Variants in SGK3 observed in about 807,000 individuals in gnomAD.
SGK3 encodes serum/glucocorticoid regulated kinase family member 3.
In SGK3, 47 loss-of-function variants were observed where a neutral mutation model predicts 68.5. The ratio of observed to expected loss-of-function variants is 0.69; its 90% CI spans 0.54 to 0.87. SGK3 has a LOEUF of 0.87. SGK3 is among the 40% of genes least tolerant of loss of function. The pLI, the probability that SGK3 is intolerant of heterozygous loss-of-function variation, is 0.00. For missense variants in SGK3, 479 were observed against 575.5 expected, an observed-to-expected ratio of 0.83 and a Z score of 1.72; for synonymous variants, 181 against 189.1, an observed-to-expected ratio of 0.96 and a Z score of 0.35.
At position 66,847,179 on chromosome 8, in the gene SGK3, T is replaced by C. The variant is rs771752886; in HGVS notation, c.1075-14T>C. ...GTTTACCACTAAGTTTATTTTGCTT[T>C]TTTTTTTTTCCAGCCTCCTTTTTAT... On this transcript the variant is annotated splice_polypyrimidine_tract_variant and intron_variant, in intron 14 of 16. Coordinates refer to ENST00000521198, the MANE Select transcript of SGK3 (RefSeq NM_001033578.3). 7.0e-6 allele frequency: 11 copies of C among 1,570,788 alleles called. No homozygotes were observed.
At chr8:66,847,025 G>A (rs920239355) in intron 14 of SGK3, among the ~76,000 whole-genome samples, 168 bp from the exon 15 acceptor site, 60 of 152,094 alleles carry the variant, frequency 3.9e-4, no homozygotes, top group South Asian at 4.1e-4. Context: ...TGATGTGTTC[G>A]GTTTTAGAAT....
chr8:66,749,963 G>GTT (rs771335108), intron 1 of SGK3, among the ~76,000 whole-genome samples: 1 of 149,498 alleles, frequency 6.7e-6, no homozygotes, highest in Non-Finnish European at 1.5e-5. Flanking sequence ...GTGTGTGTGT[G>GTT]TGTATGTGTG....
chr8:66,780,739 C>G (rs1479297900), intron 1 of SGK3, among the ~76,000 whole-genome samples: 8 of 152,124 alleles, frequency 5.3e-5, no homozygotes, highest in Non-Finnish European at 5.9e-5. Flanking sequence ...GGACTGTAGA[C>G]TGTCAGCAAT....
At chr8:66,822,259 C>G in intron 5 of SGK3, 113 bp from the exon 6 acceptor site, 1 of 905,386 alleles carries the variant, frequency 1.1e-6, no homozygotes, top group African/African-American at 1.7e-5. Context: ...TTCTGTTTTA[C>G]TTTCTTACTG....
chr8:66,725,700 C>T (rs1804967206), intron 1 of SGK3, among the ~76,000 whole-genome samples: 1 of 151,804 alleles, frequency 6.6e-6, no homozygotes, highest in South Asian at 2.1e-4. Context: ...TTGCAGGTGC[C>T]TTGCCATGGC....
At chr8:66,793,931 C>T in intron 2 of SGK3, 99 bp downstream of exon 2, 2 of 1,192,632 alleles carry the variant, frequency 1.7e-6, no homozygotes, top group East Asian at 5.3e-5. Flanking sequence ...CCTTCCCCAT[C>T]TCCACATACC....
At chr8:66,747,789 G>A (rs938017245) in intron 1 of SGK3, among the ~76,000 whole-genome samples, 2 of 152,236 alleles carry the variant, frequency 1.3e-5, no homozygotes, top group African/African-American at 4.8e-5. Flanking sequence ...TTAATATAAA[G>A]CTAAAAATCT....
At chr8:66,821,992 T>TC (rs1361149148) in intron 5 of SGK3, among the ~76,000 whole-genome samples, 1 of 151,382 alleles carries the variant, frequency 6.6e-6, no homozygotes. Flanking sequence ...CCTATTTTTT[T>TC]TTTTTTTACC....
intron 1 of SGK3, among the ~76,000 whole-genome samples, chr8:66,780,285 C>T (rs1472977226): frequency 6.6e-6 from 1 of 152,166 alleles, no homozygotes; most frequent in African/African-American, 2.4e-5. Context: ...AATTTCTAAA[C>T]GTCTCTCTCC....
At position 66,756,428 on chromosome 8, in the gene SGK3, C is replaced by T. The variant is rs543575013; in HGVS notation, c.-121-37188C>T. Among the ~76,000 whole-genome samples the T allele has an allele frequency of 3.9e-5, 6 of 152,138 alleles. No individual in the cohort carries two copies. In the East Asian group the frequency reaches 7.7e-4, roughly 20 times the overall value. On this transcript the variant is annotated intron_variant, in intron 1 of 16. Transcript: ENST00000521198. ...GTTATGTGGGCTGGTTTAGTACTTA[C>T]AAGGACTCACTCCATCTATGAGGAG...
At chr8:66,726,801 T>TAAAAAAAAAAAAAAAAAAAAAAAA (rs560794837) in intron 1 of SGK3, among the ~76,000 whole-genome samples, 14 of 80,970 alleles carry the variant, frequency 1.7e-4, no homozygotes, top group South Asian at 7.5e-4. Flanking sequence ...ACCCTGTCTG[T>TAAAAAAAAAAAAAAAAAAAAAAAA]AAAAAAAAAA....
rs1310994284 is a variant in SGK3, at chr8:66,861,092, T to C, written c.*1511T>C. 6.6e-6 allele frequency: 1 copy of C among 152,178 alleles called. No homozygotes were observed. Among genetic ancestry groups the C allele is most frequent in the African/African-American group, 2.4e-5 (1 of 41,438 alleles). The allele number at this position is 152,178 out of a possible 1,614,324, so 9.4% of individuals were successfully genotyped here. The stretch of plus-strand genomic sequence containing the variant: ...GAACTGAAATTGTGCCACTGCACTT[T>C]TCAGCCTGGGTGCCACAGCGAGACC... On this transcript the variant is annotated 3_prime_UTR_variant, in exon 17 of 17. Transcript: ENST00000521198.
intron 1 of SGK3, among the ~76,000 whole-genome samples, chr8:66,747,989 T>G (rs1195466747): frequency 6.6e-6 from 1 of 152,160 alleles, no homozygotes; most frequent in Non-Finnish European, 1.5e-5. Context: ...TGAATCTCAG[T>G]GAGTTACTTA....
At chr8:66,769,111 A>G (rs1269877022) in intron 1 of SGK3, among the ~76,000 whole-genome samples, 1 of 152,162 alleles carries the variant, frequency 6.6e-6, no homozygotes, top group Non-Finnish European at 1.5e-5. Context: ...GATTTCTACA[A>G]ATGTATTTTC....
At chr8:66,787,282 C>T (rs1361062595) in intron 1 of SGK3, among the ~76,000 whole-genome samples, 1 of 151,812 alleles carries the variant, frequency 6.6e-6, no homozygotes. Flanking sequence ...GATGAGCACT[C>T]AATAAGTGTT....
chr8:66,786,490 A>C (rs772433056), intron 1 of SGK3, among the ~76,000 whole-genome samples: 1 of 152,208 alleles, frequency 6.6e-6, no homozygotes, highest in Non-Finnish European at 1.5e-5. Flanking sequence ...TGCCAGTTCA[A>C]TTTAGCTTGA....
At chr8:66,722,898 C>T (rs1283002239) in intron 1 of SGK3, among the ~76,000 whole-genome samples, 1 of 151,488 alleles carries the variant, frequency 6.6e-6, no homozygotes, top group African/African-American at 2.4e-5. Context: ...AGGTGCCACA[C>T]ACTTTTAAAT....
intron 3 of SGK3, 136 bp from the exon 4 acceptor site, chr8:66,804,239 C>A: frequency 2.8e-6 from 2 of 710,886 alleles, no homozygotes; most frequent in Non-Finnish European, 4.3e-6. Context: ...TTATGTTATA[C>A]TTTGGATGAT....
At chr8:66,746,244 T>A (rs1805652586) in intron 1 of SGK3, among the ~76,000 whole-genome samples, 1 of 152,216 alleles carries the variant, frequency 6.6e-6, no homozygotes, top group African/African-American at 2.4e-5. Flanking sequence ...TGTTCTCCAC[T>A]CTTCCATTGG....
Sources: allele counts gnomAD v4.1 joint callset (sites outside exome capture counted in the v4.1 genomes callset), GRCh38; gene constraint gnomAD v4.1.1; transcripts MANE v1.5; gene names NCBI Gene and HGNC (gene_info 2026-07-23, HGNC 2026-07-21).